ADIPOR2: variants seen among roughly 807,000 people sequenced by gnomAD.
ADIPOR2 encodes adiponectin receptor 2, also known as adiponectin receptor protein 2.
A neutral mutation model predicts 40.9 loss-of-function variants in ADIPOR2; 18 were observed. The observed-to-expected ratio is 0.44, with a 90% confidence interval of 0.30 to 0.65. The LOEUF is 0.65. Among genes scored for constraint, ADIPOR2 ranks in the 30% least tolerant of loss-of-function variants. The pLI is 0.09. For synonymous variants in ADIPOR2, 165 were observed against 166.4 expected (o/e 0.99, Z 0.06); for missense variants, 283 against 479.2 (o/e 0.59, Z 3.82).
At chr12:1,740,422 C>T (rs985229595) in intron 1 of ADIPOR2, among the ~76,000 whole-genome samples, 2 of 152,210 alleles carry the variant, frequency 1.3e-5, no homozygotes, top group Admixed American at 1.3e-4. Context: ...TCTGTCCTCA[C>T]AGGGCCTTTC....
intron 1 of ADIPOR2, among the ~76,000 whole-genome samples, chr12:1,724,591 T>G (rs1046075817): frequency 6.6e-6 from 1 of 152,206 alleles, no homozygotes; most frequent in African/African-American, 2.4e-5. Flanking sequence ...ACAATATAAA[T>G]GTACTCAGTA....
At chr12:1,781,479 T>C (rs2154444452) in intron 6 of ADIPOR2, among the ~76,000 whole-genome samples, 1 of 152,322 alleles carries the variant, frequency 6.6e-6, no homozygotes, top group Admixed American at 6.5e-5. Context: ...GTTTTATATT[T>C]TTATTTTATA....
At chr12:1,757,520 C>G in intron 2 of ADIPOR2, 3 of 795,776 alleles carry the variant, frequency 3.8e-6, no homozygotes, top group Non-Finnish European at 6.8e-6. Context: ...AATTGGTAAT[C>G]TTGCCAATCT....
intron 2 of ADIPOR2, chr12:1,757,718 G>T: frequency 1.5e-6 from 2 of 1,309,666 alleles, no homozygotes; most frequent in South Asian, 1.2e-5. Flanking sequence ...TAGATGAGAC[G>T]GAAATTCTCC....
At chr12:1,700,353 T>C (rs2094647788) in intron 1 of ADIPOR2, among the ~76,000 whole-genome samples, 1 of 152,234 alleles carries the variant, frequency 6.6e-6, no homozygotes, top group Non-Finnish European at 1.5e-5. Flanking sequence ...TGTATCCATG[T>C]ATCCATTCCT....
In ADIPOR2 at chr12:1,693,394, A is replaced by G. The variant is rs192503614; in HGVS notation, c.-87+2203A>G. Among the ~76,000 whole-genome samples, 888 of 152,342 alleles carry G rather than the reference A, an allele frequency of 5.8e-3. 3 individuals are homozygous for G. Among genetic ancestry groups the G allele is most frequent in the Non-Finnish European group, 9.8e-3 (670 of 68,032 alleles). ...AAATTTAAATGAGTCAGAAAATTGT[A>G]AAGGAGAAAGTAAAAGTTATTTACA... On this transcript the variant is annotated intron_variant, in intron 1 of 7. Transcript: ENST00000357103.
At chr12:1,729,297 A>G (rs1424232167) in intron 1 of ADIPOR2, among the ~76,000 whole-genome samples, 1 of 152,002 alleles carries the variant, frequency 6.6e-6, no homozygotes, top group African/African-American at 2.4e-5. Flanking sequence ...GAAAGGAAAT[A>G]TTTCTAGACT....
At chr12:1,771,178 GAC>G (rs1862486301) in intron 2 of ADIPOR2, among the ~76,000 whole-genome samples, 1 of 152,028 alleles carries the variant, frequency 6.6e-6, no homozygotes, top group Non-Finnish European at 1.5e-5. Context: ...GCACACAACA[GAC>G]ACAGTGGTGC....
chr12:1,750,974 G>A (rs976281307), intron 1 of ADIPOR2, among the ~76,000 whole-genome samples: 1 of 148,934 alleles, frequency 6.7e-6, no homozygotes, highest in East Asian at 2.0e-4. Flanking sequence ...GTTAAATAAT[G>A]CTGGTAATAC....
chr12:1,762,659 T>C (rs981884926), intron 2 of ADIPOR2, among the ~76,000 whole-genome samples: 6 of 152,248 alleles, frequency 3.9e-5, no homozygotes, highest in African/African-American at 9.6e-5. Flanking sequence ...GATAGTTCAC[T>C]TTTATTGATC....
At chr12:1,729,406 A>G (rs56710563) in intron 1 of ADIPOR2, among the ~76,000 whole-genome samples, 2,002 of 152,028 alleles carry the variant, frequency 0.013, 42 homozygotes, top group African/African-American at 0.046. Flanking sequence ...AAGGAATGAT[A>G]GCCATAGGAA....
intron 1 of ADIPOR2, among the ~76,000 whole-genome samples, chr12:1,708,224 GA>G (rs1046487623): frequency 1.2e-4 from 18 of 149,206 alleles, no homozygotes; most frequent in East Asian, 7.8e-4. Context: ...GAGCATCCTC[GA>G]ATTTTGGTGT....
In ADIPOR2 at chr12:1,728,054, G is replaced by A. The variant is rs61912278; in HGVS notation, c.-86-26204G>A. Among the ~76,000 whole-genome samples, 279 of 152,084 alleles carry A rather than the reference G, an allele frequency of 1.8e-3. 1 individual carries two copies. Among genetic ancestry groups the A allele is most frequent in the Non-Finnish European group, 3.3e-3 (225 of 67,980 alleles). ...GTGTAGGATTTCCACATCTATTTATGGGCTCAGAACACTTTCTAGTTACTT... is the reference window on the plus strand; with the variant it reads ...GTGTAGGATTTCCACATCTATTTATAGGCTCAGAACACTTTCTAGTTACTT... On this transcript the variant is annotated intron_variant, in intron 1 of 7. Transcript: ENST00000357103.
At chr12:1,735,773 A>G (rs947599676) in intron 1 of ADIPOR2, among the ~76,000 whole-genome samples, 1 of 152,214 alleles carries the variant, frequency 6.6e-6, no homozygotes, top group Non-Finnish European at 1.5e-5. Flanking sequence ...ACGTCCCATC[A>G]ATACCTAATT....
intron 2 of ADIPOR2, among the ~76,000 whole-genome samples, chr12:1,771,605 G>A (rs768622128): frequency 1.8e-4 from 28 of 152,250 alleles, no homozygotes; most frequent in Admixed American, 9.8e-4. Context: ...ATCAGACTGG[G>A]TGTATAACAT....
chr12:1,783,203 A>C (rs1482478092), intron 6 of ADIPOR2, among the ~76,000 whole-genome samples: 1 of 151,192 alleles, frequency 6.6e-6, no homozygotes, highest in Non-Finnish European at 1.5e-5. Flanking sequence ...CCACCCCAAC[A>C]ACGCCTGCTG....
intron 1 of ADIPOR2, among the ~76,000 whole-genome samples, chr12:1,709,485 C>T (rs1334431192): frequency 6.6e-6 from 1 of 152,068 alleles, no homozygotes; most frequent in Non-Finnish European, 1.5e-5. Context: ...TTAATTTGTT[C>T]TCATCTAACT....
At chr12:1,773,133 T>C (rs1200656272) in intron 3 of ADIPOR2, among the ~76,000 whole-genome samples, 172 bp downstream of exon 3, 2 of 152,172 alleles carry the variant, frequency 1.3e-5, no homozygotes, top group Non-Finnish European at 1.5e-5. Flanking sequence ...ACAGAATACA[T>C]TTGTTGGCTT....
intron 1 of ADIPOR2, among the ~76,000 whole-genome samples, chr12:1,744,758 T>G (rs1406692075): frequency 6.6e-6 from 1 of 152,254 alleles, no homozygotes; most frequent in African/African-American, 2.4e-5. Context: ...TATTTATCTT[T>G]GGATAGATAT....
Sources: allele counts gnomAD v4.1 joint callset (sites outside exome capture counted in the v4.1 genomes callset), GRCh38; gene constraint gnomAD v4.1.1; transcripts MANE v1.5; gene names NCBI Gene and HGNC (gene_info 2026-07-23, HGNC 2026-07-21).